The following DDX55 variants were observed in gnomAD, a reference collection of about 807,000 sequenced individuals.
The protein encoded by DDX55 is ATP-dependent RNA helicase DDX55.
A neutral mutation model predicts 69.2 loss-of-function variants in DDX55; 56 were observed. The ratio of observed to expected loss-of-function variants is 0.81; its 90% CI spans 0.65 to 1.01. The LOEUF is 1.01. Among genes scored for constraint, DDX55 ranks in the 50% least tolerant of loss-of-function variants. The pLI is 0.00. For synonymous variants in DDX55, 268 were observed against 273.1 expected (o/e 0.98, Z 0.18); for missense variants, 720 against 745.1 (o/e 0.97, Z 0.39).
chr12:123,619,391 T>C, intron 12 of DDX55, 41 bp from the exon 13 acceptor site: 1 of 1,579,428 alleles, frequency 6.3e-7, no homozygotes, highest in Non-Finnish European at 8.6e-7. Flanking sequence ...ATTGTTCTAA[T>C]CCTGTTGAGT....
In DDX55 at chr12:123,620,580, TTATATATATATA is replaced by T. The variant is rs68169681; in HGVS notation, c.*477_*488del. ...GGTCACATATAGACATATGTACATA[TTATATATATATA>T]TATATATATATATATATATATATAT... On this transcript the variant is annotated 3_prime_UTR_variant, in exon 14 of 14. Coordinates refer to ENST00000238146, the MANE Select transcript of DDX55 (RefSeq NM_020936.3). 3.0e-3 allele frequency: 195 copies of T among 65,340 alleles called. No homozygotes were observed. The highest frequency in any genetic ancestry group is 8.3e-3 in the East Asian group (6 of 724). The allele number at this position is 65,340 out of a possible 1,614,324, so 4.0% of individuals were successfully genotyped here. A position where few individuals can be genotyped will look rare whatever the true frequency, so the allele number is the denominator to read the frequency against.
chr12:123,608,525 T>A lies in DDX55; in HGVS notation c.402-155T>A, dbSNP rs537496656. The A allele has an allele frequency of 3.5e-5, 31 of 885,822 alleles. No individual in the cohort carries two copies. The African/African-American group carries it at 5.0e-4, about 14-fold the overall frequency. 54.9% of individuals were successfully genotyped at this position (885,822 alleles called of 1,614,324 possible). ...CCCGTCTCACCACAGCCCTCAGTCT[T>A]TCTACCCTGCAGCACTCTTCTACTC... On this transcript the variant is annotated intron_variant, in intron 5 of 13. Coordinates refer to ENST00000238146, the MANE Select transcript of DDX55 (RefSeq NM_020936.3).
intron 3 of DDX55, among the ~76,000 whole-genome samples, chr12:123,606,932 G>A (rs1953928128): frequency 6.6e-6 from 1 of 152,170 alleles, no homozygotes; most frequent in Non-Finnish European, 1.5e-5. Context: ...ATGGCCCCGT[G>A]ATGTAGTGCA....
At chr12:123,602,396 T>A (rs562013156) in intron 1 of DDX55, 140 bp downstream of exon 1, 2 of 834,018 alleles carry the variant, frequency 2.4e-6, no homozygotes, top group Non-Finnish European at 3.5e-6. Flanking sequence ...TGTCTCCAGC[T>A]GCCCAGACTG....
chr12:123,607,259 G>A lies in DDX55; in HGVS notation c.247-173G>A, dbSNP rs532694106. The stretch of plus-strand genomic sequence containing the variant: ...GAGCATAACTGCAGTATATGATGAC[G>A]AGTAACCGTAATTCAAAGTAGTTGA... On this transcript the variant is annotated intron_variant, in intron 3 of 13. Coordinates refer to ENST00000238146, the MANE Select transcript of DDX55 (RefSeq NM_020936.3). Among the ~76,000 whole-genome samples the A allele has an allele frequency of 2.6e-5, 4 of 152,294 alleles. No homozygotes were observed. The East Asian group carries it at 5.8e-4, about 22-fold the overall frequency.
At chr12:123,614,035 G>T (rs1954470900) in intron 8 of DDX55, among the ~76,000 whole-genome samples, 1 of 151,660 alleles carries the variant, frequency 6.6e-6, no homozygotes, top group Admixed American at 6.6e-5. Context: ...TTTTCTATCT[G>T]TTATCCTACA....
At position 123,618,651 on chromosome 12, in the gene DDX55, GTA is replaced by G. The variant is rs1954893572; in HGVS notation, c.1165-16_1165-15del. On this transcript the variant is annotated splice_polypyrimidine_tract_variant and intron_variant, in intron 11 of 13. Coordinates refer to ENST00000238146, the MANE Select transcript of DDX55 (RefSeq NM_020936.3). ...GCCAGCCAGGGAAGGTGAGAATGTG[GTA>G]TGTGTGTGTGTGTAGTGCCCCCTGC... 5 of 1,608,910 alleles carry G rather than the reference GTA, an allele frequency of 3.1e-6. No homozygotes were observed. The highest frequency in any genetic ancestry group is 4.2e-6 in the Non-Finnish European group (5 of 1,177,120).
chr12:123,616,400 C>T (rs899473310), intron 9 of DDX55, 111 bp from the exon 10 acceptor site: 13 of 880,124 alleles, frequency 1.5e-5, no homozygotes, highest in Non-Finnish European at 2.4e-5. Flanking sequence ...ACATTTGCTT[C>T]TGTGAGAAGC....
intron 7 of DDX55, 51 bp from the exon 8 acceptor site, chr12:123,613,119 G>A: frequency 1.3e-6 from 2 of 1,577,846 alleles, no homozygotes; most frequent in Non-Finnish European, 8.7e-7. Flanking sequence ...TAGCCATGGG[G>A]ATTATTATTG....
chr12:123,603,392 C>CTT (rs11438746), intron 1 of DDX55, among the ~76,000 whole-genome samples: 61,173 of 128,282 alleles, frequency 0.48, 16,858 homozygotes, highest in East Asian at 0.84. Flanking sequence ...GGTTTTTATT[C>CTT]TTTTTTTTTT....
intron 12 of DDX55, 132 bp from the exon 13 acceptor site, chr12:123,619,300 G>A (rs1305574616): frequency 1.4e-6 from 2 of 1,395,462 alleles, no homozygotes; most frequent in Non-Finnish European, 1.9e-6. Flanking sequence ...ACTGCACCCG[G>A]CCTCAATTAT....
At position 123,616,634 on chromosome 12, in the gene DDX55, T is replaced by C. The variant is rs750836511; in HGVS notation, c.1049+31T>C. The C allele has an allele frequency of 2.5e-6, 4 of 1,597,296 alleles. No homozygotes were observed. In the African/African-American group the frequency reaches 5.4e-5, roughly 21 times the overall value. On this transcript the variant is annotated intron_variant, in intron 10 of 13. Transcript: ENST00000238146. ...GTACGAGGCTGCCACCCACTCTCTG[T>C]TGAGGAATTTAGCCTAATAAAGGAG...
At chr12:123,613,280 C>T (rs760704695) in intron 8 of DDX55, 28 bp downstream of exon 8, 6 of 1,605,944 alleles carry the variant, frequency 3.7e-6, no homozygotes, top group Non-Finnish European at 5.1e-6. Flanking sequence ...GTGGTAGAGG[C>T]ATCAGGGATT....
intron 8 of DDX55, among the ~76,000 whole-genome samples, chr12:123,614,950 G>T (rs1954540827): frequency 1.3e-5 from 2 of 152,096 alleles, no homozygotes; most frequent in South Asian, 4.1e-4. Flanking sequence ...TGTCCTTGGG[G>T]GTTTTAATTC....
intron 10 of DDX55, 154 bp downstream of exon 10, chr12:123,616,757 C>A: frequency 2.7e-6 from 2 of 747,160 alleles, no homozygotes; most frequent in Middle Eastern, 2.4e-4. Flanking sequence ...TGGATTCCTA[C>A]AGGGCTTGCC....
Position 123,608,744 on chromosome 12 carries a change from T to G in DDX55, c.466T>G (p.Leu156Val). ...EDMFRRKAEG[L>V]DLASCVRSLD... is the part of the protein sequence containing the mutation. ...CATGTTCCGGAGGAAGGCCGAAGGC[T>G]TGGATCTGGCCAGCTGTGTGCGATC... Residue 156 changes from leucine (L) to valine (V), a missense_variant, in exon 6 of 14, where the codon TTG becomes GTG. By Grantham distance (32) the Leu-to-Val change is conservative. Transcript: ENST00000238146. 1.9e-6 allele frequency: 3 copies of G among 1,614,204 alleles called. No homozygotes were observed. Among genetic ancestry groups the G allele is most frequent in the Non-Finnish European group, 2.5e-6 (3 of 1,180,028 alleles).
chr12:123,606,025 C>G, intron 2 of DDX55, 44 bp downstream of exon 2: 1 of 1,610,258 alleles, frequency 6.2e-7, no homozygotes, highest in Non-Finnish European at 8.5e-7. Context: ...TGTTCTCCCT[C>G]AGATGAACTC....
intron 4 of DDX55, 22 bp downstream of exon 4, chr12:123,607,545 T>G (rs374130222): frequency 2.5e-6 from 4 of 1,614,136 alleles, no homozygotes; most frequent in Non-Finnish European, 3.4e-6. Context: ...GCAGTGTCCC[T>G]GTTAGTCATG....
intron 12 of DDX55, among the ~76,000 whole-genome samples, chr12:123,619,230 C>T (rs1008254333): frequency 2.0e-5 from 3 of 152,214 alleles, no homozygotes; most frequent in Non-Finnish European, 2.9e-5. Context: ...GTCTCGATCT[C>T]CTGACCTCGT....
Sources: gnomAD v4.1 joint callset for allele counts (sites outside exome capture counted in the v4.1 genomes callset) on GRCh38, gnomAD v4.1.1 for gene constraint, MANE v1.5 for transcripts, NCBI Gene and HGNC (gene_info 2026-07-23, HGNC 2026-07-21) for gene names.